Variants in PCDH15 observed in about 807,000 individuals in gnomAD.
The protein encoded by PCDH15 is protocadherin related 15, also known as protocadherin-15.
PCDH15 carries 129 observed loss-of-function variants against 178.5 expected under a neutral mutation model. The ratio of observed to expected loss-of-function variants is 0.72; its 90% confidence interval spans 0.63 to 0.84. The LOEUF is 0.84. Ranked by LOEUF, PCDH15 falls within the 40% of genes least tolerant of loss-of-function variation. The pLI is 0.00. For missense variants in PCDH15, 2,230 were observed against 2,099.9 expected (o/e 1.06, Z -1.21); for synonymous variants, 800 against 732.0 (o/e 1.09, Z -1.50).
At chr10:54,793,854 A>G (rs1951685061) in intron 1 of PCDH15, among the ~76,000 whole-genome samples, 1 of 149,268 alleles carries the variant, frequency 6.7e-6, no homozygotes, top group Admixed American at 6.7e-5. Flanking sequence ...AAATCAAAAG[A>G]TAACATCATA....
At chr10:54,400,918 T>G (rs1188689221) in intron 3 of PCDH15, among the ~76,000 whole-genome samples, 2 of 152,052 alleles carry the variant, frequency 1.3e-5, no homozygotes, top group Non-Finnish European at 1.5e-5. Context: ...TTGATTTTTA[T>G]AGGTATTGTT....
chr10:55,094,867 A>C lies in PCDH15; in HGVS notation c.-80+71709T>G, dbSNP rs2246349. 3.3e-5 allele frequency among the ~76,000 whole-genome samples: 5 copies of C among 150,958 alleles called. No individual in the cohort carries two copies. The South Asian group carries it at 6.3e-4, about 19-fold the overall frequency. ...AGATGAGAAAACCAAATATCTGATA[A>C]GTTAATATACCCAAAATGACATGAT... On this transcript the variant is annotated intron_variant, in intron 2 of 5. Transcript: ENST00000458638.
chr10:55,300,707 G>A (rs1423569938), intron 1 of PCDH15, among the ~76,000 whole-genome samples: 1 of 152,108 alleles, frequency 6.6e-6, no homozygotes, highest in African/African-American at 2.4e-5. Context: ...AAGCTTATGA[G>A]AAATTTTTAT....
chr10:55,393,360 T>C (rs929117012), intron 2 of PCDH15, among the ~76,000 whole-genome samples: 6 of 152,138 alleles, frequency 3.9e-5, no homozygotes, highest in African/African-American at 9.7e-5. Context: ...TGACTCAGAA[T>C]ACTAAAGCAG....
At chr10:53,866,597 C>G in intron 27 of PCDH15, 45 bp downstream of exon 27, 2 of 1,408,432 alleles carry the variant, frequency 1.4e-6, no homozygotes, top group Non-Finnish European at 1.0e-6. Context: ...TGACCTATGG[C>G]TAGTATCGTA....
chr10:53,916,259 A>G (rs1325440728), intron 25 of PCDH15, among the ~76,000 whole-genome samples: 1 of 152,208 alleles, frequency 6.6e-6, no homozygotes, highest in Non-Finnish European at 1.5e-5. Context: ...CAGAATGCCA[A>G]CTGTATAGTC....
intron 3 of PCDH15, among the ~76,000 whole-genome samples, chr10:54,429,762 A>G (rs544832649): frequency 1.3e-5 from 2 of 152,302 alleles, no homozygotes; most frequent in South Asian, 4.1e-4. Context: ...TAATGATAAA[A>G]GAAGCCAATT....
chr10:54,844,732 C>T (rs1953475698), intron 3 of PCDH15, among the ~76,000 whole-genome samples: 1 of 151,880 alleles, frequency 6.6e-6, no homozygotes, highest in African/African-American at 2.4e-5. Flanking sequence ...AATCTCACTG[C>T]CTCAATGTTA....
At chr10:54,520,722 C>T (rs1236789469) in intron 3 of PCDH15, among the ~76,000 whole-genome samples, 2 of 150,918 alleles carry the variant, frequency 1.3e-5, no homozygotes, top group African/African-American at 4.9e-5. Context: ...GGATATATAC[C>T]CAAAGGACTA....
chr10:53,940,485 G>A (rs905784055), intron 24 of PCDH15, among the ~76,000 whole-genome samples: 2 of 152,090 alleles, frequency 1.3e-5, no homozygotes, highest in African/African-American at 4.8e-5. Flanking sequence ...CATGGAGTAA[G>A]GGTCATGGAT....
chr10:54,657,508 T>C (rs966521629), intron 2 of PCDH15, among the ~76,000 whole-genome samples: 1 of 152,204 alleles, frequency 6.6e-6, no homozygotes, highest in Non-Finnish European at 1.5e-5. Context: ...CTGAGACCTC[T>C]GTACTCTCAG....
Position 53,847,547 on chromosome 10 carries a change from G to A in PCDH15, c.3807-7051C>T, listed in dbSNP as rs550482403. 2.0e-4 allele frequency among the ~76,000 whole-genome samples: 30 copies of A among 151,978 alleles called. 1 individual carries two copies. In the South Asian group the frequency reaches 4.8e-3, roughly 24 times the overall value. On this transcript the variant is annotated intron_variant, in intron 28 of 37. Coordinates refer to ENST00000644397, the MANE Select transcript of PCDH15 (RefSeq NM_001384140.1). ...TTACATTACATGGTAACCTCTCTGT[G>A]GTATCCCACAAGATAAAAATATTTT...
intron 28 of PCDH15, among the ~76,000 whole-genome samples, chr10:53,853,822 G>A (rs1355790821): frequency 2.0e-5 from 3 of 151,988 alleles, no homozygotes; most frequent in Non-Finnish European, 4.4e-5. Context: ...TTATGCACTG[G>A]TGGTGAAATT....
upstream of PCDH15, among the ~76,000 whole-genome samples, chr10:55,321,129 A>G (rs1309753699): frequency 6.6e-6 from 1 of 152,012 alleles, no homozygotes; most frequent in East Asian, 1.9e-4. Context: ...AAGAGAAAGG[A>G]AAAGAAAAGA....
intron 2 of PCDH15, among the ~76,000 whole-genome samples, chr10:55,467,528 T>A (rs889398934): frequency 1.3e-5 from 2 of 152,142 alleles, no homozygotes; most frequent in African/African-American, 4.8e-5. Flanking sequence ...ATGGGATGGA[T>A]GTTAGCCATA....
chr10:54,463,069 T>A (rs1334641309), intron 3 of PCDH15, among the ~76,000 whole-genome samples: 1 of 152,150 alleles, frequency 6.6e-6, no homozygotes, highest in East Asian at 1.9e-4. Flanking sequence ...TCAATCAGTC[T>A]GTTCATATCA....
chr10:54,643,247 T>C (rs1230752558), intron 2 of PCDH15, among the ~76,000 whole-genome samples: 1 of 152,172 alleles, frequency 6.6e-6, no homozygotes, highest in Non-Finnish European at 1.5e-5. Flanking sequence ...GAACCTACTC[T>C]GACATATGTT....
At chr10:54,726,424 GTGT>G (rs377589922) in intron 1 of PCDH15, among the ~76,000 whole-genome samples, 12,954 of 94,346 alleles carry the variant, frequency 0.14, 611 homozygotes, top group African/African-American at 0.15. Context: ...TCAGGGGTGT[GTGT>G]GTGTGTGTGT....
intron 2 of PCDH15, among the ~76,000 whole-genome samples, chr10:54,928,165 A>AG (rs1421590001): frequency 6.6e-6 from 1 of 152,128 alleles, no homozygotes; most frequent in Non-Finnish European, 1.5e-5. Context: ...TGCTTGTTCA[A>AG]AAATATCTTA....
Sources: gnomAD v4.1 joint callset for allele counts (sites outside exome capture counted in the v4.1 genomes callset) on GRCh38, gnomAD v4.1.1 for gene constraint, MANE v1.5 for transcripts, NCBI Gene and HGNC (gene_info 2026-07-23, HGNC 2026-07-21) for gene names.